Variants in TNFSF8 observed in about 807,000 individuals in gnomAD.
The protein encoded by TNFSF8 is TNF superfamily member 8, also known as tumor necrosis factor ligand superfamily member 8.
A neutral mutation model predicts 22.0 loss-of-function variants in TNFSF8; 4 were observed. The ratio of observed to expected loss-of-function variants is 0.18; its 90% CI spans 0.09 to 0.42. The LOEUF (loss-of-function observed/expected upper bound fraction) is 0.42, where lower values mean the gene tolerates loss of function less well. TNFSF8 is among the 10% of genes least tolerant of loss of function. The pLI is 1.00. For missense variants in TNFSF8, 233 were observed against 281.8 expected (o/e 0.83, Z 1.24); for synonymous variants, 106 against 112.5 (o/e 0.94, Z 0.37).
At position 114,903,885 on chromosome 9, in the gene TNFSF8, T is replaced by C. The variant is rs993040871; in HGVS notation, c.*46A>G. 5.2e-6 allele frequency: 8 copies of C among 1,551,236 alleles called. No individual in the cohort carries two copies. The highest frequency in any genetic ancestry group is 3.8e-5 in the South Asian group (3 of 78,686). ...CCAAGTGTTTGGAGGGATGAAATAC[T>C]GTATGGTAGAGAGGCGCTTTCTTCC... is the stretch of plus-strand genomic sequence containing the variant. On this transcript the variant is annotated 3_prime_UTR_variant, in exon 4 of 4. Coordinates refer to ENST00000223795, the MANE Select transcript of TNFSF8 (RefSeq NM_001244.4).
At chr9:114,894,937 C>T (rs1375221555) in intron 4 of TNFSF8, among the ~76,000 whole-genome samples, 1 of 152,144 alleles carries the variant, frequency 6.6e-6, no homozygotes. Context: ...GACCTTTCTT[C>T]CCTTGAGTAC....
chr9:114,919,773 AT>A (rs1171842026), intron 1 of TNFSF8, among the ~76,000 whole-genome samples: 2 of 152,126 alleles, frequency 1.3e-5, no homozygotes, highest in Non-Finnish European at 2.9e-5. Flanking sequence ...GAGTTCCCCT[AT>A]TATTGTAACA....
At position 114,904,302 on chromosome 9, in the gene TNFSF8, T is replaced by C. The variant is rs760949401; in HGVS notation, c.334A>G (p.Lys112Glu). The part of the protein sequence containing the change: ...LQVAKHLNKT[K>E]LSWNKDGILH... The stretch of plus-strand genomic sequence containing the variant: ...ATGCCATCTTTGTTCCAAGACAACT[T>C]GGTTTTGTTTAGATGCTTTGCCACT... The change falls in exon 4 of 4, where the codon AAG becomes GAG. Residue 112 changes from lysine (K) to glutamate (E), a missense_variant. Lys to Glu is a moderately conservative substitution (Grantham distance 56). Transcript: ENST00000223795. The C allele has an allele frequency of 6.2e-7, 1 of 1,610,384 alleles. No individual in the cohort carries two copies. The highest frequency in any genetic ancestry group is 8.5e-7 in the Non-Finnish European group (1 of 1,177,720).
chr9:114,916,719 G>C (rs534263041), intron 2 of TNFSF8, among the ~76,000 whole-genome samples: 1 of 152,210 alleles, frequency 6.6e-6, no homozygotes, highest in African/African-American at 2.4e-5. Flanking sequence ...GATAAATAAC[G>C]TTTTATGGAA....
At chr9:114,897,357 A>G (rs1326123969), downstream of TNFSF8, among the ~76,000 whole-genome samples, 1 of 151,932 alleles carries the variant, frequency 6.6e-6, no homozygotes, top group Non-Finnish European at 1.5e-5. Flanking sequence ...TTCATTTAAG[A>G]AATATGTATT....
chr9:114,905,065 C>CTT (rs1827768064), intron 3 of TNFSF8, among the ~76,000 whole-genome samples: 1 of 152,190 alleles, frequency 6.6e-6, no homozygotes, highest in African/African-American at 2.4e-5. Flanking sequence ...AGGTGAGTCT[C>CTT]TAAGTCCTAA....
At chr9:114,914,305 A>G (rs1156921037) in intron 2 of TNFSF8, among the ~76,000 whole-genome samples, 2 of 152,194 alleles carry the variant, frequency 1.3e-5, no homozygotes, top group Non-Finnish European at 2.9e-5. Context: ...GGGATGTGCT[A>G]CACTGCCCTA....
At chr9:114,930,058 C>A in intron 1 of TNFSF8, 51 bp downstream of exon 1, 1 of 1,386,834 alleles carries the variant, frequency 7.2e-7, no homozygotes, top group Non-Finnish European at 9.5e-7. Context: ...AGGGCTCTTT[C>A]TCTCGGGAAA....
chr9:114,900,660 C>T (rs996863360), downstream of TNFSF8, among the ~76,000 whole-genome samples: 2 of 152,132 alleles, frequency 1.3e-5, no homozygotes, highest in Admixed American at 1.3e-4. Flanking sequence ...CCTCTATAGA[C>T]TCAGTACATG....
intron 1 of TNFSF8, among the ~76,000 whole-genome samples, chr9:114,925,335 G>A (rs191391218): frequency 6.6e-6 from 1 of 152,214 alleles, no homozygotes. Flanking sequence ...GCCTCCACCT[G>A]GCAGCCTTCA....
At chr9:114,922,212 G>A (rs773404853) in intron 1 of TNFSF8, among the ~76,000 whole-genome samples, 1 of 152,172 alleles carries the variant, frequency 6.6e-6, no homozygotes, top group African/African-American at 2.4e-5. Context: ...TTTTCACAGA[G>A]GAATGATCAG....
intron 1 of TNFSF8, among the ~76,000 whole-genome samples, chr9:114,920,510 T>C (rs1827974180): frequency 6.6e-6 from 1 of 152,124 alleles, no homozygotes; most frequent in Non-Finnish European, 1.5e-5. Flanking sequence ...TATAAATAAA[T>C]GTGTAATTAG....
chr9:114,898,244 C>T (rs62578677), downstream of TNFSF8, among the ~76,000 whole-genome samples: 108 of 152,202 alleles, frequency 7.1e-4, 2 homozygotes, highest in South Asian at 8.1e-3. Context: ...TCTCATGATC[C>T]GCCCGCCTCG....
downstream of TNFSF8, among the ~76,000 whole-genome samples, chr9:114,897,189 C>T (rs147920083): frequency 2.6e-4 from 39 of 152,290 alleles, no homozygotes; most frequent in Non-Finnish European, 5.0e-4. Flanking sequence ...GCATAAGCCA[C>T]TGTCCCCGGC....
chr9:114,927,262 T>G (rs1358723239), intron 1 of TNFSF8, among the ~76,000 whole-genome samples: 12 of 151,724 alleles, frequency 7.9e-5, no homozygotes, highest in Non-Finnish European at 1.5e-5. Context: ...GATTTTGTTG[T>G]TTTTTTTCAA....
intron 2 of TNFSF8, among the ~76,000 whole-genome samples, chr9:114,907,900 T>C (rs1827803984): frequency 6.6e-6 from 1 of 152,188 alleles, no homozygotes; most frequent in Non-Finnish European, 1.5e-5. Flanking sequence ...ACACAGGTAG[T>C]CAGGGGTGGA....
intron 1 of TNFSF8, among the ~76,000 whole-genome samples, chr9:114,927,640 T>C (rs1828080088): frequency 6.6e-6 from 1 of 152,268 alleles, no homozygotes; most frequent in East Asian, 1.9e-4. Context: ...TCACTCATTA[T>C]ATGTTATGAC....
intron 2 of TNFSF8, among the ~76,000 whole-genome samples, chr9:114,917,582 C>A (rs367751427): frequency 2.0e-5 from 3 of 152,300 alleles, no homozygotes; most frequent in East Asian, 3.9e-4. Flanking sequence ...AGTCTGTTTT[C>A]ACAAGTCCTT....
In TNFSF8 at chr9:114,904,006, TG is replaced by T; in HGVS notation, c.629del (p.Thr210AsnfsTer5). ...AGGTGCTTGTATCTATGTACTGGAATGTATCCACATTGACTGATATGGTGGT... is the reference window on the plus strand; with the variant it reads ...AGGTGCTTGTATCTATGTACTGGAATTATCCACATTGACTGATATGGTGGT... Reference protein sequence around the residue: ...VNTTISVNVDTFQYIDTSTFP... With the variant: ...VNTTISVNVDXFQYIDTSTFP... On this transcript the variant is annotated frameshift_variant, in exon 4 of 4. Transcript: ENST00000223795. LOFTEE classifies it high-confidence loss of function. 6.2e-7 allele frequency: 1 copy of T among 1,614,120 alleles called. No homozygotes were observed.
Sources: gnomAD v4.1 joint callset for allele counts (sites outside exome capture counted in the v4.1 genomes callset) on GRCh38, gnomAD v4.1.1 for gene constraint, MANE v1.5 for transcripts, NCBI Gene and HGNC (gene_info 2026-07-23, HGNC 2026-07-21) for gene names.